SHISA9: variants seen among roughly 807,000 people sequenced by gnomAD.
SHISA9 encodes the protein shisa family member 9.
SHISA9 carries 13 observed loss-of-function variants against 38.0 expected under a neutral mutation model. That is an observed-to-expected ratio of 0.34 (90% CI 0.22 to 0.54). The LOEUF (loss-of-function observed/expected upper bound fraction) is 0.54, where lower values mean the gene tolerates loss of function less well. Ranked by LOEUF, SHISA9 falls within the 20% of genes least tolerant of loss-of-function variation. SHISA9 has a pLI of 0.91. For synonymous variants in SHISA9, 275 were observed against 242.0 expected (o/e 1.14, Z -1.27); for missense variants, 538 against 575.8 (o/e 0.93, Z 0.67).
the SHISA9 span, among the ~76,000 whole-genome samples, chr16:13,298,676 G>A: frequency 6.6e-6 from 1 of 152,138 alleles, no homozygotes; most frequent in Non-Finnish European, 1.5e-5. Context: ...AGGATTGCCT[G>A]GGCGTTTCAG....
chr16:13,046,679 G>C (rs2073191930), intron 2 of SHISA9, among the ~76,000 whole-genome samples: 1 of 152,166 alleles, frequency 6.6e-6, no homozygotes, highest in Non-Finnish European at 1.5e-5. Context: ...CCTAACCATA[G>C]TCCCCTGTAT....
intron 2 of SHISA9, among the ~76,000 whole-genome samples, chr16:13,173,468 G>C (rs1486962762): frequency 6.6e-6 from 1 of 151,794 alleles, no homozygotes; most frequent in African/African-American, 2.4e-5. Flanking sequence ...GACCTGTGCT[G>C]ATAATAGGAG....
intron 2 of SHISA9, among the ~76,000 whole-genome samples, chr16:13,112,719 T>C (rs1413140140): frequency 6.6e-6 from 1 of 152,088 alleles, no homozygotes; most frequent in Admixed American, 6.5e-5. Flanking sequence ...TTCTCAGTGA[T>C]GTTTCTGTTG....
the SHISA9 span, among the ~76,000 whole-genome samples, chr16:13,264,403 C>T: frequency 6.6e-6 from 1 of 152,020 alleles, no homozygotes; most frequent in Admixed American, 6.6e-5. Context: ...GAACTCCTGA[C>T]CTCAAGTGAT....
the SHISA9 span, among the ~76,000 whole-genome samples, chr16:13,396,053 A>G: frequency 1.3e-4 from 20 of 152,340 alleles, no homozygotes; most frequent in South Asian, 4.2e-3. Context: ...CATACTTTTC[A>G]TCTTCTGTGA....
At chr16:13,365,552 G>T in the SHISA9 span, among the ~76,000 whole-genome samples, 1 of 151,000 alleles carries the variant, frequency 6.6e-6, no homozygotes, top group African/African-American at 2.5e-5. Context: ...CGCCTCCCGG[G>T]TTCAAGCTAT....
chr16:13,137,750 G>A (rs1272940341), intron 2 of SHISA9, among the ~76,000 whole-genome samples: 1 of 152,092 alleles, frequency 6.6e-6, no homozygotes. Context: ...CACCGCACCT[G>A]GCTGGAGGAT....
the SHISA9 span, among the ~76,000 whole-genome samples, chr16:13,453,916 C>G: frequency 6.6e-6 from 1 of 152,240 alleles, no homozygotes; most frequent in African/African-American, 2.4e-5. Context: ...GAGGCTTGTC[C>G]GATCTATGTT....
the SHISA9 span, among the ~76,000 whole-genome samples, chr16:13,380,408 G>T: frequency 6.6e-6 from 1 of 151,994 alleles, no homozygotes; most frequent in African/African-American, 2.4e-5. Flanking sequence ...ACAAAGCATT[G>T]GAAATCAGTA....
the SHISA9 span, among the ~76,000 whole-genome samples, chr16:13,267,470 G>T: frequency 5.3e-5 from 8 of 152,136 alleles, no homozygotes; most frequent in Non-Finnish European, 1.0e-4. Flanking sequence ...AGCCCTTTTG[G>T]AAAGCAACTT....
chr16:12,970,886 A>G (rs747730616), intron 2 of SHISA9, among the ~76,000 whole-genome samples: 4 of 152,006 alleles, frequency 2.6e-5, no homozygotes, highest in Non-Finnish European at 4.4e-5. Context: ...ATTTTTATCT[A>G]TTTCATTCAC....
At chr16:13,446,966 C>T in the SHISA9 span, among the ~76,000 whole-genome samples, 5 of 135,210 alleles carry the variant, frequency 3.7e-5, no homozygotes, top group South Asian at 4.6e-4. Context: ...AGTAACAGAG[C>T]GAAACTCCAT....
intron 2 of SHISA9, among the ~76,000 whole-genome samples, chr16:13,148,331 A>G (rs1277222555): frequency 6.6e-6 from 1 of 151,662 alleles, no homozygotes; most frequent in Non-Finnish European, 1.5e-5. Flanking sequence ...GGGTTCACAC[A>G]CTCTTTACAC....
At chr16:12,906,486 G>GT (rs1355523790) in intron 1 of SHISA9, among the ~76,000 whole-genome samples, 1 of 152,058 alleles carries the variant, frequency 6.6e-6, no homozygotes, top group Non-Finnish European at 1.5e-5. Context: ...ATGGGATCTC[G>GT]TAAGAACCGA....
chr16:13,265,778 C>G, the SHISA9 span, among the ~76,000 whole-genome samples: 1 of 151,370 alleles, frequency 6.6e-6, no homozygotes. Context: ...GTATGGGAGA[C>G]AGAAACCATC....
intron 2 of SHISA9, among the ~76,000 whole-genome samples, chr16:13,150,485 G>A (rs1033706957): frequency 2.0e-5 from 3 of 152,134 alleles, no homozygotes; most frequent in Admixed American, 2.0e-4. Context: ...GACACAGCAA[G>A]TAGCTAAGAA....
chr16:13,173,150 T>TGC (rs113180653), intron 2 of SHISA9, among the ~76,000 whole-genome samples: 5,045 of 141,780 alleles, frequency 0.036, 279 homozygotes, highest in African/African-American at 0.12. Flanking sequence ...GAGATGCACG[T>TGC]GCGCACACAC....
At chr16:13,374,261 C>G in the SHISA9 span, among the ~76,000 whole-genome samples, 1 of 151,674 alleles carries the variant, frequency 6.6e-6, no homozygotes, top group Non-Finnish European at 1.5e-5. Flanking sequence ...TGGTGTGCTG[C>G]ACCCGTTAAC....
the SHISA9 span, among the ~76,000 whole-genome samples, chr16:13,252,150 C>T: frequency 1.3e-5 from 2 of 152,308 alleles, no homozygotes; most frequent in East Asian, 1.9e-4. Flanking sequence ...ATGATCTGGC[C>T]TCCAAATGCC....
Sources: gnomAD v4.1 joint callset for allele counts (sites outside exome capture counted in the v4.1 genomes callset) on GRCh38, gnomAD v4.1.1 for gene constraint, MANE v1.5 for transcripts, NCBI Gene and HGNC (gene_info 2026-07-23, HGNC 2026-07-21) for gene names.